The following ZNF862 variants were observed in gnomAD, a reference collection of about 807,000 sequenced individuals.
The protein encoded by ZNF862 is zinc finger protein 862.
ZNF862 carries 64 observed loss-of-function variants against 91.1 expected under a neutral mutation model. The ratio of observed to expected loss-of-function variants is 0.70; its 90% CI spans 0.57 to 0.87. The LOEUF (loss-of-function observed/expected upper bound fraction) is 0.87, where lower values mean the gene tolerates loss of function less well. Among genes scored for constraint, ZNF862 ranks in the 40% least tolerant of loss-of-function variants. The pLI, the probability that ZNF862 is intolerant of heterozygous loss-of-function variation, is 0.00. For missense variants in ZNF862, 1,459 were observed against 1,528.0 expected, an observed-to-expected ratio of 0.95 and a Z score of 0.75; for synonymous variants, 631 against 618.1, an observed-to-expected ratio of 1.02 and a Z score of -0.31.
Position 149,848,267 on chromosome 7 carries a change from G to A in ZNF862, c.774G>A (p.Leu258=), listed in dbSNP as rs1246466179. 4 of 1,612,078 alleles carry A rather than the reference G, an allele frequency of 2.5e-6. No homozygotes were observed. In the African/African-American group the frequency reaches 4.0e-5, roughly 16 times the overall value. The part of the protein sequence containing the change: ...LGGFDSMAEL[L]PSSRAELEDP... ...GATTTGATAGCATGGCTGAGCTCCT[G>A]CCAAGTTCAAGAGCTGAACTAGAGG... Residue 258 remains leucine, a synonymous_variant, in exon 4 of 8, where the codon CTG becomes CTA. Coordinates refer to ENST00000223210, the MANE Select transcript of ZNF862 (RefSeq NM_001099220.3).
intron 1 of ZNF862, among the ~76,000 whole-genome samples, chr7:149,842,465 A>G (rs1801739658): frequency 6.6e-6 from 1 of 152,202 alleles, no homozygotes; most frequent in African/African-American, 2.4e-5. Context: ...TTATTCACGC[A>G]GATTTGTGTT....
At chr7:149,851,880 G>A (rs1802077558) in intron 5 of ZNF862, 1 of 152,208 alleles carries the variant, frequency 6.6e-6, no homozygotes, top group South Asian at 2.1e-4. Flanking sequence ...TCAGAGGCAG[G>A]AATCAGAAAG....
rs1801863079 is a variant in ZNF862, at chr7:149,846,142, T to C, written c.137-9T>C. The C allele has an allele frequency of 3.1e-6, 5 of 1,600,984 alleles. No individual in the cohort carries two copies. Among genetic ancestry groups the C allele is most frequent in the Non-Finnish European group, 4.3e-6 (5 of 1,171,548 alleles). ...TCTCTCTCGCTCTCTTTTTTTTTTT[T>C]GGACTCAGGACCAACTGTTGCCAAT... On this transcript the variant is annotated splice_polypyrimidine_tract_variant and intron_variant, in intron 2 of 7. Coordinates refer to ENST00000223210, the MANE Select transcript of ZNF862 (RefSeq NM_001099220.3).
intron 5 of ZNF862, chr7:149,856,157 A>C (rs573383466): frequency 2.0e-5 from 3 of 152,366 alleles, no homozygotes; most frequent in African/African-American, 7.2e-5. Context: ...CTTTGGAATG[A>C]GGAAGAGCTG....
chr7:149,866,450 CAT>C lies in ZNF862; in HGVS notation c.*2167_*2168del, dbSNP rs1211282547. 6.6e-6 allele frequency: 1 copy of C among 152,262 alleles called. No individual in the cohort carries two copies. The highest frequency in any genetic ancestry group is 1.5e-5 in the Non-Finnish European group (1 of 68,088). The allele number at this position is 152,262 out of a possible 1,614,324, so 9.4% of individuals were successfully genotyped here. A position where few individuals can be genotyped will look rare whatever the true frequency, so the allele number is the denominator to read the frequency against. On this transcript the variant is annotated 3_prime_UTR_variant, in exon 8 of 8. Coordinates refer to ENST00000223210, the MANE Select transcript of ZNF862 (RefSeq NM_001099220.3). ...CACATCAAGGTGCTGTTCCAGCACACATGCTTCCTGCGGCCTCTTCATCCTTG... is the reference window on the plus strand; with the variant it reads ...CACATCAAGGTGCTGTTCCAGCACACGCTTCCTGCGGCCTCTTCATCCTTG...
At chr7:149,857,669 T>C (rs1802309680) in intron 5 of ZNF862, among the ~76,000 whole-genome samples, 1 of 152,200 alleles carries the variant, frequency 6.6e-6, no homozygotes. Flanking sequence ...GACCTGTGCA[T>C]GGCTGGGAAG....
chr7:149,860,307 T>A, intron 6 of ZNF862, 76 bp from the exon 7 acceptor site: 1 of 1,325,756 alleles, frequency 7.5e-7, no homozygotes, highest in Non-Finnish European at 1.0e-6. Flanking sequence ...CTTATTAAAT[T>A]TGGGGGTGTC....
chr7:149,848,103 A>G lies in ZNF862; in HGVS notation c.610A>G (p.Asn204Asp). 6.2e-7 allele frequency: 1 copy of G among 1,614,082 alleles called. No homozygotes were observed. Residue 204 changes from asparagine (N) to aspartate (D), a missense_variant, in exon 4 of 8, where the codon AAT (asparagine) becomes GAT (aspartate). By Grantham distance (23) the Asn-to-Asp change is conservative (BLOSUM62 1). Transcript: ENST00000223210. ...AKSKAHMFCV[N>D]ALAARDPIWA... ...GAGCAAGGCCCACATGTTCTGTGTC[A>G]ATGCCTTGGCAGCGAGGGACCCCAT... is the stretch of plus-strand genomic sequence containing the variant.
In ZNF862 at chr7:149,838,397, C is replaced by T. The variant is rs887946172; in HGVS notation, c.-215C>T. The T allele has an allele frequency of 4.0e-5, 16 of 396,552 alleles. No individual in the cohort carries two copies. The highest frequency in any genetic ancestry group is 2.9e-4 in the African/African-American group (14 of 48,678). 24.6% of individuals were successfully genotyped at this position (396,552 alleles called of 1,614,324 possible). On this transcript the variant is annotated 5_prime_UTR_variant, in exon 1 of 8. Coordinates refer to ENST00000223210, the MANE Select transcript of ZNF862 (RefSeq NM_001099220.3). ...GGCAGTGACCGTAAAGCTGTTCGCT[C>T]GGTGCGACGCAAGTCTCAGCTCAGC...
In ZNF862 at chr7:149,859,472, G is replaced by A. The variant is rs367789506; in HGVS notation, c.1168G>A (p.Ala390Thr). The change falls in exon 6 of 8, where the codon GCA (alanine) becomes ACA (threonine). Residue 390 changes from alanine (A) to threonine (T), a missense_variant. Transcript: ENST00000223210. ...DLISKLERRA[A>T]PWIKDPNGPK... ...GATCTCCAAACTGGAGCGGAGGGCT[G>A]CACCCTGGATCAAGGACCCAAATGG... 1.4e-4 allele frequency: 222 copies of A among 1,588,806 alleles called. No homozygotes were observed. The highest frequency in any genetic ancestry group is 1.7e-4 in the Middle Eastern group (1 of 6,058).
Position 149,864,014 on chromosome 7 carries a change from C to G in ZNF862, c.3335-95C>G, listed in dbSNP as rs1416594918. 4 of 1,351,666 alleles carry G rather than the reference C, an allele frequency of 3.0e-6. No individual in the cohort carries two copies. In the African/African-American group the frequency reaches 5.9e-5, roughly 20 times the overall value. The allele number at this position is 1,351,666 out of a possible 1,614,324, so 83.7% of individuals were successfully genotyped here. On this transcript the variant is annotated intron_variant, in intron 7 of 7. Coordinates refer to ENST00000223210, the MANE Select transcript of ZNF862 (RefSeq NM_001099220.3). ...TGGTCCTGACTTCAGTCTGTTCTGC[C>G]AAGCTTTCCTCACCAAACAGCCCCT...
chr7:149,861,879 T>G lies in ZNF862; in HGVS notation c.2719T>G (p.Leu907Val). 1 of 1,613,638 alleles carries G rather than the reference T, an allele frequency of 6.2e-7. No homozygotes were observed. The highest frequency in any genetic ancestry group is 8.5e-7 in the Non-Finnish European group (1 of 1,179,868). ...GGATGGGCGGCTCCACGGCATCTGC[T>G]TGGACAAACTGGAGGTAGCGGAACA... ...FKDGRLHGIC[L>V]DKLEVAEQRF... The change falls in exon 7 of 8, where the codon TTG (leucine) becomes GTG (valine). Residue 907 changes from leucine (L) to valine (V), a missense_variant. Physicochemically the swap from Leu to Val is conservative, Grantham distance 32 (BLOSUM62 1). Coordinates refer to ENST00000223210, the MANE Select transcript of ZNF862 (RefSeq NM_001099220.3). The surrounding 1 kb of genome is among the most constrained non-coding windows in gnomAD (Gnocchi z 6.7).
rs74387466 is a variant in ZNF862 at position 149,855,743 on chromosome 7, C to T, written c.1118-3679C>T. ...GGTAGCCAACCGTCACGGGCAGGCCCCACAGACAACGCCAGGCCTCTTCTC... is the reference window on the plus strand; with the variant it reads ...GGTAGCCAACCGTCACGGGCAGGCCTCACAGACAACGCCAGGCCTCTTCTC... On this transcript the variant is annotated intron_variant, in intron 5 of 7. Transcript: ENST00000223210. The surrounding 1 kb of genome is among the most constrained non-coding windows in gnomAD (Gnocchi z 4.1). Among the ~76,000 whole-genome samples the T allele has an allele frequency of 2.0e-5, 3 of 152,264 alleles. No homozygotes were observed. Among genetic ancestry groups the T allele is most frequent in the Non-Finnish European group, 4.4e-5 (3 of 68,006 alleles).
At position 149,865,229 on chromosome 7, in the gene ZNF862, C is replaced by T. The variant is rs555318831; in HGVS notation, c.*945C>T. The T allele has an allele frequency of 1.1e-4, 17 of 152,352 alleles. 1 individual carries two copies. The South Asian group carries it at 3.5e-3, about 32-fold the overall frequency. The allele number at this position is 152,352 out of a possible 1,614,324, so 9.4% of individuals were successfully genotyped here. ...TCTGGCTGCAGTGTGGACTTAGCTG[C>T]CATCTGCCCCATCCTCGTCCTTAGT... On this transcript the variant is annotated 3_prime_UTR_variant, in exon 8 of 8. Transcript: ENST00000223210.
chr7:149,850,411 G>T lies in ZNF862; in HGVS notation c.1117+73G>T. On this transcript the variant is annotated intron_variant, in intron 5 of 7. Transcript: ENST00000223210. The surrounding 1 kb of genome is among the most constrained non-coding windows in gnomAD (Gnocchi z 4.2). ...AAGCCCACAAGGGGAGCTGTGGCTT[G>T]TGGTTATCTTCCCATTCCTGCCCCC... The T allele has an allele frequency of 6.7e-7, 1 of 1,485,138 alleles. No individual in the cohort carries two copies. Among genetic ancestry groups the T allele is most frequent in the Non-Finnish European group, 9.1e-7 (1 of 1,104,170 alleles). 92.0% of individuals were successfully genotyped at this position (1,485,138 alleles called of 1,614,324 possible). A position where few individuals can be genotyped will look rare whatever the true frequency, so the allele number is the denominator to read the frequency against.
At chr7:149,844,120 T>C (rs1171833203) in intron 1 of ZNF862, among the ~76,000 whole-genome samples, 1 of 152,166 alleles carries the variant, frequency 6.6e-6, no homozygotes, top group Non-Finnish European at 1.5e-5. Context: ...CTGAACTCCC[T>C]ACCCCTCAGA....
At chr7:149,857,957 G>A (rs1448511842) in intron 5 of ZNF862, among the ~76,000 whole-genome samples, 1 of 152,154 alleles carries the variant, frequency 6.6e-6, no homozygotes, top group Non-Finnish European at 1.5e-5. Context: ...GGTATATGGG[G>A]TCTGGAGCCT....
Position 149,861,287 on chromosome 7 carries a change from G to A in ZNF862, c.2127G>A (p.Val709=). The change falls in exon 7 of 8, where the codon GTG becomes GTA. Residue 709 remains valine, a synonymous_variant. Coordinates refer to ENST00000223210, the MANE Select transcript of ZNF862 (RefSeq NM_001099220.3). The surrounding 1 kb of genome is among the most constrained non-coding windows in gnomAD (Gnocchi z 6.7). ...TGTTGAGCTGCAGAGGAGGCCTTGT[G>A]GAAAAGTTCCAGGAGGTCATCCCGC... ...SAMLSCRGGL[V]EKFQEVIPQL... The A allele has an allele frequency of 6.2e-7, 1 of 1,612,618 alleles. No individual in the cohort carries two copies.
rs759084018 is a variant in ZNF862, at chr7:149,860,582, A to G, written c.1422A>G (p.Pro474=). Residue 474 remains proline, a synonymous_variant, in exon 7 of 8, where the codon CCA becomes CCG. Coordinates refer to ENST00000223210, the MANE Select transcript of ZNF862 (RefSeq NM_001099220.3). ...AGAGGTCATGGTTTGGGCAGTTCCC[A>G]TGGTTAGTAATTGACCCCAAAGAGA... ...SIQRSWFGQF[P]WLVIDPKETK... 1.3e-5 allele frequency: 21 copies of G among 1,613,878 alleles called. No homozygotes were observed. The highest frequency in any genetic ancestry group is 1.2e-4 in the Admixed American group (7 of 60,006).
Sources: gnomAD v4.1 joint callset for allele counts (sites outside exome capture counted in the v4.1 genomes callset) on GRCh38, gnomAD v4.1.1 for gene constraint, Gnocchi (gnomAD v3.1) non-coding constraint, MANE v1.5 for transcripts, NCBI Gene and HGNC (gene_info 2026-07-23, HGNC 2026-07-21) for gene names.